Variants in ABCA12 observed in about 807,000 individuals in gnomAD.
ABCA12 encodes the protein ATP binding cassette subfamily A member 12, also known as glucosylceramide transporter ABCA12.
ABCA12 carries 156 observed loss-of-function variants against 293.5 expected under a neutral mutation model. The observed-to-expected ratio is 0.53, with a 90% CI of 0.47 to 0.61. The LOEUF (loss-of-function observed/expected upper bound fraction) is 0.61. Among genes scored for constraint, ABCA12 ranks in the 20% least tolerant of loss-of-function variants. The probability of loss-of-function intolerance (pLI) is 0.00; values close to 1 mark genes in which losing one functional copy is unlikely to be tolerated. For missense variants in ABCA12, 2,797 were observed against 3,090.2 expected (o/e 0.91, Z 2.25); for synonymous variants, 1,063 against 1,108.0 (o/e 0.96, Z 0.81).
intron 8 of ABCA12, chr2:215,032,276 G>C: frequency 4.0e-6 from 1 of 250,734 alleles, no homozygotes; most frequent in South Asian, 7.7e-5. Context: ...AGTCTTATGG[G>C]TCACTGGATT....
intron 22 of ABCA12, among the ~76,000 whole-genome samples, chr2:215,000,159 T>C (rs1220214365): frequency 6.6e-6 from 1 of 152,222 alleles, no homozygotes; most frequent in Non-Finnish European, 1.5e-5. Context: ...AAAACCATTT[T>C]AGATATAGAG....
chr2:214,948,592 T>G lies in ABCA12; in HGVS notation c.7104+4A>C, dbSNP rs371563499. 89 of 1,613,818 alleles carry G rather than the reference T, an allele frequency of 5.5e-5. No homozygotes were observed. Among genetic ancestry groups the G allele is most frequent in the Non-Finnish European group, 6.5e-5 (77 of 1,179,888 alleles). On this transcript the variant is annotated splice_donor_region_variant and intron_variant, in intron 47 of 52. Transcript: ENST00000272895. ...ATTAAGTAATTTTTCACACTTGTAC[T>G]CACTTCTTTAATATCCTTTTCTGGA...
intron 36 of ABCA12, 81 bp downstream of exon 36, chr2:214,973,868 G>T: frequency 8.3e-7 from 1 of 1,206,206 alleles, no homozygotes; most frequent in Non-Finnish European, 1.2e-6. Context: ...CTGATTCTTT[G>T]GTAACCTAGA....
At chr2:215,082,107 C>T (rs183116711) in intron 2 of ABCA12, among the ~76,000 whole-genome samples, 94 of 142,456 alleles carry the variant, frequency 6.6e-4, no homozygotes, top group African/African-American at 2.3e-3. Flanking sequence ...TGCAGTGGCA[C>T]GATCTCGGCT....
chr2:215,013,688 A>G (rs1403443021), intron 15 of ABCA12: 1 of 154,292 alleles, frequency 6.5e-6, no homozygotes, highest in Non-Finnish European at 1.5e-5. Context: ...TAGAGTTAAA[A>G]TTTTAGGCAA....
rs1699587565 is a variant in ABCA12 at position 214,978,978 on chromosome 2, T to C, written c.4803A>G (p.Ser1601=). 6.2e-7 allele frequency: 1 copy of C among 1,613,988 alleles called. No homozygotes were observed. Among genetic ancestry groups the C allele is most frequent in the Admixed American group, 1.7e-5 (1 of 59,996 alleles). The change falls in exon 32 of 53, where the codon TCA becomes TCG. Residue 1601 remains serine (S), a synonymous_variant. Coordinates refer to ENST00000272895, the MANE Select transcript of ABCA12 (RefSeq NM_173076.3). ...DTMAVTAMIQ[S]HLPEAYLKED... ...CCTTGAGGTAGGCTTCGGGGAGATG[T>C]GATTGGATCATTGCTGTCACGGCCA...
intron 36 of ABCA12, among the ~76,000 whole-genome samples, chr2:214,971,059 G>A (rs1246917057): frequency 6.6e-6 from 1 of 152,026 alleles, no homozygotes; most frequent in Non-Finnish European, 1.5e-5. Context: ...TATTTGTTTA[G>A]AGCTTAGTTT....
intron 22 of ABCA12, 143 bp downstream of exon 22, chr2:215,000,562 T>C: frequency 1.2e-6 from 1 of 862,520 alleles, no homozygotes; most frequent in Non-Finnish European, 1.9e-6. Flanking sequence ...TGCCCTATAG[T>C]GTGAACTCTT....
chr2:215,126,631 G>C (rs1433917242), intron 1 of ABCA12, among the ~76,000 whole-genome samples: 1 of 152,128 alleles, frequency 6.6e-6, no homozygotes, highest in East Asian at 1.9e-4. Context: ...GTATTTCAAT[G>C]GTGTCAGTTG....
chr2:214,993,074 G>A (rs902544397), intron 23 of ABCA12, among the ~76,000 whole-genome samples: 3 of 152,024 alleles, frequency 2.0e-5, no homozygotes, highest in East Asian at 1.9e-4. Flanking sequence ...ATCACATTTC[G>A]ATAACTCTGC....
chr2:215,052,639 A>G lies in ABCA12; in HGVS notation c.410-55T>C. 2.1e-6 allele frequency: 3 copies of G among 1,410,056 alleles called. No homozygotes were observed. The South Asian group carries it at 3.5e-5, about 16-fold the overall frequency. The allele number at this position is 1,410,056 out of a possible 1,614,324, so 87.3% of individuals were successfully genotyped here. ...TCCACACACACACACACAAATGCACAGGACCACATGAGAATCCATAAACAT... is the reference window on the plus strand; with the variant it reads ...TCCACACACACACACACAAATGCACGGGACCACATGAGAATCCATAAACAT... On this transcript the variant is annotated intron_variant, in intron 4 of 52. Transcript: ENST00000272895.
intron 2 of ABCA12, chr2:215,085,402 G>A (rs1347789888): frequency 6.6e-6 from 1 of 152,120 alleles, no homozygotes; most frequent in Admixed American, 6.5e-5. Flanking sequence ...CTAAGACCTT[G>A]GCCCACTGAC....
chr2:215,057,397 A>G (rs1375646685), intron 3 of ABCA12, among the ~76,000 whole-genome samples: 1 of 151,984 alleles, frequency 6.6e-6, no homozygotes, highest in Non-Finnish European at 1.5e-5. Flanking sequence ...TTCACCATCA[A>G]TATGGAGCTG....
chr2:215,085,357 G>A (rs1307758310), intron 2 of ABCA12: 2 of 152,140 alleles, frequency 1.3e-5, no homozygotes, highest in African/African-American at 4.8e-5. Flanking sequence ...GTTAGCCCAG[G>A]CCTGGACTCA....
chr2:214,943,114 G>T, intron 49 of ABCA12, 97 bp from the exon 50 acceptor site: 2 of 900,640 alleles, frequency 2.2e-6, no homozygotes, highest in Non-Finnish European at 3.6e-6. Flanking sequence ...ATGGCACTTG[G>T]AAATACTATT....
chr2:215,024,624 TG>T (rs1238847912), intron 11 of ABCA12, among the ~76,000 whole-genome samples: 1 of 152,178 alleles, frequency 6.6e-6, no homozygotes, highest in Non-Finnish European at 1.5e-5. Context: ...AGGGCTAAAA[TG>T]TAGGTAATGG....
chr2:215,104,077 A>G (rs1702413955), intron 2 of ABCA12, among the ~76,000 whole-genome samples: 1 of 152,174 alleles, frequency 6.6e-6, no homozygotes, highest in Non-Finnish European at 1.5e-5. Flanking sequence ...ATCTGAGAGG[A>G]GGCCCTGTCT....
At chr2:215,119,734 TA>T (rs386654995) in intron 1 of ABCA12, among the ~76,000 whole-genome samples, 7,971 of 75,480 alleles carry the variant, frequency 0.11, 679 homozygotes, top group African/African-American at 0.27. Flanking sequence ...CATTAAAAAG[TA>T]AAAAAAAAAA....
Position 215,019,326 on chromosome 2 carries a change from G to T in ABCA12, c.1657+10C>A. The T allele has an allele frequency of 6.3e-7, 1 of 1,597,118 alleles. No individual in the cohort carries two copies. The highest frequency in any genetic ancestry group is 8.6e-7 in the Non-Finnish European group (1 of 1,166,386). ...ATAAGACAAGATTTAAAATGTGGAT[G>T]GGGAAACACCTGGCTTTTCAGAAGC... On this transcript the variant is annotated intron_variant, in intron 13 of 52. Coordinates refer to ENST00000272895, the MANE Select transcript of ABCA12 (RefSeq NM_173076.3).
Sources: allele counts gnomAD v4.1 joint callset (sites outside exome capture counted in the v4.1 genomes callset), GRCh38; gene constraint gnomAD v4.1.1; transcripts MANE v1.5; gene names NCBI Gene and HGNC (gene_info 2026-07-23, HGNC 2026-07-21).